The following PKM variants were observed in gnomAD, a reference collection of about 807,000 sequenced individuals.
The protein encoded by PKM is pyruvate kinase M1/2.
Under a neutral mutation model 49.8 loss-of-function variants are expected in PKM, and 18 were observed. That is an observed-to-expected ratio of 0.36 (90% CI 0.25 to 0.54). The LOEUF is 0.54. PKM is among the 20% of genes least tolerant of loss of function. The probability of loss-of-function intolerance (pLI) is 0.89; values close to 1 mark genes in which losing one functional copy is unlikely to be tolerated. For synonymous variants in PKM, 239 were observed against 261.8 expected, an observed-to-expected ratio of 0.91 and a Z score of 0.84; for missense variants, 508 against 713.8, an observed-to-expected ratio of 0.71 and a Z score of 3.28.
At chr15:72,203,164 T>C (rs1158173678) in intron 8 of PKM, 3 of 1,613,882 alleles carry the variant, frequency 1.9e-6, no homozygotes, top group Admixed American at 1.7e-5. Context: ...CGGTGGAACA[T>C]GGCTGCCTCA....
At chr15:72,213,130 T>G (rs551481260) in intron 3 of PKM, among the ~76,000 whole-genome samples, 1 of 152,336 alleles carries the variant, frequency 6.6e-6, no homozygotes, top group Admixed American at 6.5e-5. Context: ...ATGTAGAATT[T>G]TGTTCTCCTA....
In PKM at chr15:72,223,351, G is replaced by A. The variant is rs563888678; in HGVS notation, c.-13-4241C>T. ...TTTTCCTTTGTACCAATTATGCTCC[G>A]ATACCAACCTCATCACATAGATCAA... On this transcript the variant is annotated intron_variant, in intron 1 of 10. Transcript: ENST00000335181. Among the ~76,000 whole-genome samples the A allele has an allele frequency of 2.6e-5, 4 of 152,024 alleles. 1 individual carries two copies. Among genetic ancestry groups the A allele is most frequent in the African/African-American group, 7.3e-5 (3 of 41,364 alleles).
At chr15:72,222,190 A>T (rs964229060) in intron 1 of PKM, among the ~76,000 whole-genome samples, 2 of 152,248 alleles carry the variant, frequency 1.3e-5, no homozygotes, top group African/African-American at 4.8e-5. Context: ...TACAAAAATG[A>T]CAAATGAAAA....
At chr15:72,209,988 T>C in intron 4 of PKM, 129 bp from the exon 5 acceptor site, 1 of 821,580 alleles carries the variant, frequency 1.2e-6, no homozygotes, top group Non-Finnish European at 2.1e-6. Flanking sequence ...ATACAGTTTT[T>C]TGCTCTTATT....
chr15:72,229,342 G>C (rs1004683661), intron 1 of PKM, among the ~76,000 whole-genome samples: 4 of 152,174 alleles, frequency 2.6e-5, no homozygotes, highest in African/African-American at 9.6e-5. Context: ...AGTTTTCCCA[G>C]GGGAAACTGA....
chr15:72,208,928 G>C (rs749333045), intron 5 of PKM, 37 bp from the exon 6 acceptor site: 14 of 1,599,124 alleles, frequency 8.8e-6, no homozygotes, highest in Non-Finnish European at 1.2e-5. Flanking sequence ...GGCAGAGCAC[G>C]AGGGCACAGG....
At position 72,200,865 on chromosome 15, in the gene PKM, C is replaced by A; in HGVS notation, c.1308-210G>T. Reference sequence around the variant, plus strand: ...CTAGGTTACCATTTGCCCTCTACCCCCATTCCACAGGCCAAGGGCTCAGGA... The same window carrying A: ...CTAGGTTACCATTTGCCCTCTACCCACATTCCACAGGCCAAGGGCTCAGGA... On this transcript the variant is annotated intron_variant, in intron 9 of 10. Coordinates refer to ENST00000335181, the MANE Select transcript of PKM (RefSeq NM_002654.6). This position sits in a 1 kb window ranked among gnomAD's most constrained non-coding sequence, Gnocchi z 4.6. 1.8e-6 allele frequency: 1 copy of A among 558,302 alleles called. No individual in the cohort carries two copies. The highest frequency in any genetic ancestry group is 2.9e-5 in the East Asian group (1 of 33,932). The allele number at this position is 558,302 out of a possible 1,614,324, so 34.6% of individuals were successfully genotyped here.
chr15:72,203,519 T>C (rs1314673251), intron 8 of PKM: 8 of 374,670 alleles, frequency 2.1e-5, no homozygotes, highest in Non-Finnish European at 3.0e-5. Context: ...GGCCACTCCC[T>C]GGCAGAGGAC....
chr15:72,225,579 T>A (rs2140801056), intron 1 of PKM, among the ~76,000 whole-genome samples: 2 of 152,210 alleles, frequency 1.3e-5, no homozygotes, highest in East Asian at 3.8e-4. Flanking sequence ...TACTGAACCC[T>A]ATAATATTGT....
chr15:72,211,690 G>C (rs2082257162), intron 3 of PKM, among the ~76,000 whole-genome samples: 1 of 151,886 alleles, frequency 6.6e-6, no homozygotes, highest in African/African-American at 2.4e-5. Context: ...GATGGTGCGT[G>C]CCTGGGGTCC....
At position 72,202,927 on chromosome 15, in the gene PKM, C is replaced by G; in HGVS notation, c.1141-307G>C. ...CCTACAGACGAGAAGAGGCTCTGTG[C>G]CCAGATGCCAGGTTGGGCCTGGCTG... On this transcript the variant is annotated intron_variant, in intron 8 of 10. Coordinates refer to ENST00000335181, the MANE Select transcript of PKM (RefSeq NM_002654.6). This position sits in a 1 kb window ranked among gnomAD's most constrained non-coding sequence, Gnocchi z 4.5. 9 of 1,290,228 alleles carry G rather than the reference C, an allele frequency of 7.0e-6. No individual in the cohort carries two copies. The highest frequency in any genetic ancestry group is 1.4e-5 in the African/African-American group (1 of 68,988). 79.9% of individuals were successfully genotyped at this position (1,290,228 alleles called of 1,614,324 possible).
At chr15:72,203,066 A>G (rs768716943) in intron 8 of PKM, 2 of 1,614,208 alleles carry the variant, frequency 1.2e-6, no homozygotes, top group Non-Finnish European at 1.7e-6. Context: ...CTAAACACTT[A>G]TAAGAAGCCT....
chr15:72,199,070 T>C lies in PKM; in HGVS notation c.*580A>G. ...TTTATTGACATACAGGTAGGCTCTA[T>C]AGCAACAGGCCTGGAGGTGCTGCAG... On this transcript the variant is annotated 3_prime_UTR_variant, in exon 11 of 11. Transcript: ENST00000335181. 3.9e-6 allele frequency: 1 copy of C among 255,606 alleles called. No homozygotes were observed. Among genetic ancestry groups the C allele is most frequent in the Non-Finnish European group, 7.8e-6 (1 of 127,852 alleles). 15.8% of individuals were successfully genotyped at this position (255,606 alleles called of 1,614,324 possible). A position where few individuals can be genotyped will look rare whatever the true frequency, so the allele number is the denominator to read the frequency against.
intron 3 of PKM, among the ~76,000 whole-genome samples, chr15:72,212,528 G>T (rs1249386189): frequency 6.6e-6 from 1 of 152,088 alleles, no homozygotes; most frequent in Non-Finnish European, 1.5e-5. Flanking sequence ...CTTTTAAGGG[G>T]ATAGGTGGTG....
At chr15:72,204,823 C>G (rs1389382427) in intron 8 of PKM, among the ~76,000 whole-genome samples, 1 of 152,216 alleles carries the variant, frequency 6.6e-6, no homozygotes, top group Non-Finnish European at 1.5e-5. Flanking sequence ...AAGTCAAGAT[C>G]AGCCTCTGTT....
At chr15:72,227,744 CAAAA>C (rs34876633) in intron 1 of PKM, among the ~76,000 whole-genome samples, 273 of 10,742 alleles carry the variant, frequency 0.025, no homozygotes, top group East Asian at 0.071. Context: ...AAAACTATCT[CAAAA>C]AAAAAAAAAA....
chr15:72,205,236 C>T (rs1218357826), intron 8 of PKM, among the ~76,000 whole-genome samples: 4 of 152,140 alleles, frequency 2.6e-5, no homozygotes, highest in African/African-American at 4.8e-5. Context: ...GCCCCAGCAT[C>T]ACCCCCTCTC....
At chr15:72,215,209 A>G (rs1235480490) in intron 3 of PKM, among the ~76,000 whole-genome samples, 1 of 152,196 alleles carries the variant, frequency 6.6e-6, no homozygotes, top group African/African-American at 2.4e-5. Context: ...TCAAAAAAAA[A>G]AAGCTGTTAA....
chr15:72,227,639 G>C (rs2082709531), intron 1 of PKM, among the ~76,000 whole-genome samples: 1 of 150,436 alleles, frequency 6.6e-6, no homozygotes, highest in South Asian at 2.1e-4. Flanking sequence ...CAGCTACTTC[G>C]GGAGGCTGAG....
Sources: gnomAD v4.1 joint callset for allele counts (sites outside exome capture counted in the v4.1 genomes callset) on GRCh38, gnomAD v4.1.1 for gene constraint, Gnocchi (gnomAD v3.1) non-coding constraint, MANE v1.5 for transcripts, NCBI Gene and HGNC (gene_info 2026-07-23, HGNC 2026-07-21) for gene names.